The following ADARB1 variants were observed in gnomAD, a reference collection of about 807,000 sequenced individuals.
ADARB1 encodes adenosine deaminase RNA specific B1.
A neutral mutation model predicts 52.4 loss-of-function variants in ADARB1; 10 were observed. That is an observed-to-expected ratio of 0.19 (90% CI 0.12 to 0.32). ADARB1 has a LOEUF of 0.32. ADARB1 is among the 10% of genes least tolerant of loss of function. The pLI, the probability that ADARB1 is intolerant of heterozygous loss-of-function variation, is 1.00. For synonymous variants in ADARB1, 349 were observed against 371.1 expected, an observed-to-expected ratio of 0.94 and a Z score of 0.68; for missense variants, 643 against 922.3, an observed-to-expected ratio of 0.70 and a Z score of 3.92.
intron 1 of ADARB1, among the ~76,000 whole-genome samples, chr21:45,124,140 T>C (rs1356129195): frequency 6.6e-6 from 1 of 152,260 alleles, no homozygotes; most frequent in East Asian, 1.9e-4. Context: ...GTTTGATCGC[T>C]TTAAAAAATA....
chr21:45,146,903 T>G (rs565910768), intron 2 of ADARB1, among the ~76,000 whole-genome samples: 81 of 152,290 alleles, frequency 5.3e-4, no homozygotes, highest in Non-Finnish European at 6.5e-4. Context: ...AATTCTGGCT[T>G]CTTCTCCAGA....
intron 2 of ADARB1, among the ~76,000 whole-genome samples, chr21:45,164,669 G>C (rs1377332998): frequency 1.3e-5 from 2 of 152,112 alleles, no homozygotes; most frequent in Non-Finnish European, 2.9e-5. Context: ...AGGCTCTGGT[G>C]GGCATAGCGA....
At chr21:45,117,822 T>G (rs1418049081) in intron 1 of ADARB1, among the ~76,000 whole-genome samples, 1 of 152,198 alleles carries the variant, frequency 6.6e-6, no homozygotes, top group Non-Finnish European at 1.5e-5. Context: ...TTCCTCTTTC[T>G]CCCTCCCCAC....
rs138209395 is a variant in ADARB1 at position 45,130,841 on chromosome 21, T to G, written c.-48+2268T>G. Among the ~76,000 whole-genome samples the G allele has an allele frequency of 1.2e-3, 185 of 152,292 alleles. 1 individual carries two copies. Among genetic ancestry groups the G allele is most frequent in the African/African-American group, 4.3e-3 (177 of 41,568 alleles). On this transcript the variant is annotated intron_variant, in intron 2 of 10. Transcript: ENST00000348831. The stretch of plus-strand genomic sequence containing the variant: ...TTTCTTGTGTTTTTATACATGAGAT[T>G]ATCTTCTGAGGCTGGAACATCTTGG...
chr21:45,184,448 ATTTTTTT>A, intron 7 of ADARB1: 1 of 141,686 alleles, frequency 7.1e-6, no homozygotes, highest in Non-Finnish European at 1.5e-5. Context: ...ATTTCATATA[ATTTTTTT>A]TTTTTTTTTT....
intron 3 of ADARB1, among the ~76,000 whole-genome samples, chr21:45,174,068 T>C (rs17004749): frequency 0.032 from 4,888 of 152,316 alleles, 109 homozygotes; most frequent in Middle Eastern, 0.048. Context: ...AACATTCCCA[T>C]GGATGAAGCT....
chr21:45,105,986 T>C (rs1182756135), intron 1 of ADARB1, among the ~76,000 whole-genome samples: 3 of 152,262 alleles, frequency 2.0e-5, no homozygotes, highest in Non-Finnish European at 4.4e-5. Flanking sequence ...GTAAAACAAC[T>C]GTAAAGGAAT....
At chr21:45,086,064 A>C (rs870144) in intron 1 of ADARB1, among the ~76,000 whole-genome samples, 54,951 of 152,036 alleles carry the variant, frequency 0.36, 10,835 homozygotes, top group East Asian at 0.54. Context: ...ACGGTGTAGA[A>C]TGGAAAAGGC....
In ADARB1 at chr21:45,226,312, A is replaced by G. The variant is rs1445733255; in HGVS notation, c.*4115A>G. On this transcript the variant is annotated 3_prime_UTR_variant, in exon 11 of 11. Coordinates refer to ENST00000348831, the MANE Select transcript of ADARB1 (RefSeq NM_001112.4). ...AGCCCCTAAAGCTGTTTGCTTTTTC[A>G]GGCTTTGGATTACATGCTTTTAATT... 6.5e-6 allele frequency: 1 copy of G among 152,756 alleles called. No individual in the cohort carries two copies. The highest frequency in any genetic ancestry group is 1.9e-4 in the East Asian group (1 of 5,186). 9.5% of individuals were successfully genotyped at this position (152,756 alleles called of 1,614,324 possible).
chr21:45,085,788 G>C (rs1395979001), intron 1 of ADARB1, among the ~76,000 whole-genome samples: 2 of 152,188 alleles, frequency 1.3e-5, no homozygotes, highest in Non-Finnish European at 2.9e-5. Flanking sequence ...TAATGAAACT[G>C]TGAGGAATTG....
chr21:45,154,691 G>A (rs867696473), intron 2 of ADARB1, among the ~76,000 whole-genome samples: 1 of 152,180 alleles, frequency 6.6e-6, no homozygotes. Flanking sequence ...ACTGTTGACT[G>A]TGTGTGAGCC....
At chr21:45,202,254 A>G (rs570199729) in intron 8 of ADARB1, among the ~76,000 whole-genome samples, 11 of 152,258 alleles carry the variant, frequency 7.2e-5, no homozygotes, top group Non-Finnish European at 1.3e-4. Context: ...CAGGTCCTAT[A>G]TCTCTTCCAA....
At chr21:45,159,784 G>C (rs948700362) in intron 2 of ADARB1, among the ~76,000 whole-genome samples, 2 of 152,184 alleles carry the variant, frequency 1.3e-5, no homozygotes, top group East Asian at 3.9e-4. Flanking sequence ...GTCAGGCCAA[G>C]GGGGCTGCTC....
At chr21:45,170,272 AC>A in intron 2 of ADARB1, among the ~76,000 whole-genome samples, 2 of 152,330 alleles carry the variant, frequency 1.3e-5, no homozygotes, top group East Asian at 3.9e-4. Context: ...CCATTTCTAC[AC>A]CTAAAATAAT....
At chr21:45,218,998 G>A (rs899519312) in intron 9 of ADARB1, among the ~76,000 whole-genome samples, 15 of 152,210 alleles carry the variant, frequency 9.9e-5, no homozygotes, top group Admixed American at 6.5e-4. Context: ...TCAATTCCGA[G>A]TTATGCAAGT....
At chr21:45,110,463 G>T (rs1408558901) in intron 1 of ADARB1, among the ~76,000 whole-genome samples, 3 of 152,228 alleles carry the variant, frequency 2.0e-5, no homozygotes, top group African/African-American at 7.2e-5. Flanking sequence ...TGAGGCGGGG[G>T]TGTGGAGAAT....
At chr21:45,115,407 C>T (rs1012945776) in intron 1 of ADARB1, among the ~76,000 whole-genome samples, 1 of 152,322 alleles carries the variant, frequency 6.6e-6, no homozygotes, top group African/African-American at 2.4e-5. Context: ...TGCTTCCTCA[C>T]GGGGCATTAG....
chr21:45,155,966 CCCACCCACCCA>C (rs2090562274), intron 2 of ADARB1, among the ~76,000 whole-genome samples: 1 of 51,500 alleles, frequency 1.9e-5, no homozygotes, highest in African/African-American at 7.1e-5. Context: ...CAGCCATCCA[CCCACCCACCCA>C]CCATCACCCA....
chr21:45,199,550 GA>G (rs1317541529), intron 8 of ADARB1, among the ~76,000 whole-genome samples: 1 of 152,208 alleles, frequency 6.6e-6, no homozygotes, highest in Admixed American at 6.5e-5. Flanking sequence ...TCTGTGCAGA[GA>G]AGCAGCCCAC....
Sources: allele counts gnomAD v4.1 joint callset (sites outside exome capture counted in the v4.1 genomes callset), GRCh38; gene constraint gnomAD v4.1.1; transcripts MANE v1.5; gene names NCBI Gene and HGNC (gene_info 2026-07-23, HGNC 2026-07-21).